Variants in OR51B5 observed in about 807,000 individuals in gnomAD.
The protein encoded by OR51B5 is olfactory receptor 51B5.
For missense variants in OR51B5, 456 were observed against 374.6 expected, an observed-to-expected ratio of 1.22 and a Z score of -1.79; for synonymous variants, 186 against 144.8, an observed-to-expected ratio of 1.28 and a Z score of -2.04.
At chr11:5,354,694 G>T in intron 1 of OR51B5, 1 of 167,570 alleles carries the variant, frequency 6.0e-6, no homozygotes. Flanking sequence ...CTGCAGCCCT[G>T]GCCAACATCA....
intron 1 of OR51B5, among the ~76,000 whole-genome samples, chr11:5,359,528 T>C (rs1408647729): frequency 6.0e-5 from 8 of 133,286 alleles, no homozygotes; most frequent in Non-Finnish European, 6.7e-5. Context: ...TCCATGCTCA[T>C]GGGTAGGAAG....
At chr11:5,440,803 T>G in intron 1 of OR51B5, 1 of 1,613,886 alleles carries the variant, frequency 6.2e-7, no homozygotes. Flanking sequence ...TTGAGTGCCT[T>G]GAGCCGCTGT....
chr11:5,386,850 A>T (rs904034665), intron 1 of OR51B5, among the ~76,000 whole-genome samples: 6 of 152,110 alleles, frequency 3.9e-5, no homozygotes, highest in African/African-American at 1.4e-4. Flanking sequence ...CAGCTCAAAA[A>T]TGTTGTCTTG....
At chr11:5,412,884 C>G (rs936794847) in intron 1 of OR51B5, among the ~76,000 whole-genome samples, 4 of 152,002 alleles carry the variant, frequency 2.6e-5, no homozygotes, top group African/African-American at 9.7e-5. Context: ...AACAAGAAAA[C>G]AGCAGTAACC....
chr11:5,386,850 A>C (rs904034665), intron 1 of OR51B5, among the ~76,000 whole-genome samples: 9 of 152,110 alleles, frequency 5.9e-5, no homozygotes, highest in Non-Finnish European at 1.2e-4. Context: ...CAGCTCAAAA[A>C]TGTTGTCTTG....
chr11:5,386,295 GGGCTAAAGAT>G (rs1849694479), intron 1 of OR51B5, among the ~76,000 whole-genome samples: 1 of 151,784 alleles, frequency 6.6e-6, no homozygotes, highest in African/African-American at 2.4e-5. Flanking sequence ...AAGAAGGACC[GGGCTAAAGAT>G]GGTGTTACAG....
At chr11:5,468,073 A>T (rs185998844) in intron 1 of OR51B5, among the ~76,000 whole-genome samples, 4 of 152,384 alleles carry the variant, frequency 2.6e-5, no homozygotes, top group Admixed American at 1.3e-4. Flanking sequence ...GAGTTTAAAG[A>T]TATTCAGAAT....
intron 1 of OR51B5, among the ~76,000 whole-genome samples, chr11:5,380,691 T>A (rs1849595307): frequency 6.6e-6 from 1 of 152,174 alleles, no homozygotes; most frequent in East Asian, 1.9e-4. Context: ...AGAAAACCTA[T>A]CTCTCTCCAT....
chr11:5,453,630 G>A (rs909671496), intron 1 of OR51B5: 1 of 1,613,778 alleles, frequency 6.2e-7, no homozygotes, highest in Non-Finnish European at 8.5e-7. Context: ...GATCCTGCAG[G>A]CTGTGCGAGT....
At chr11:5,416,979 A>G (rs1429956670) in intron 1 of OR51B5, among the ~76,000 whole-genome samples, 12 of 145,444 alleles carry the variant, frequency 8.3e-5, no homozygotes, top group African/African-American at 3.0e-4. Flanking sequence ...AGTCAATCCT[A>G]AGCCAAAAGA....
intron 1 of OR51B5, among the ~76,000 whole-genome samples, chr11:5,418,205 T>G (rs1850271024): frequency 6.6e-6 from 1 of 151,586 alleles, no homozygotes; most frequent in African/African-American, 2.4e-5. Flanking sequence ...AATTAAACAA[T>G]GAGAACACAT....
At chr11:5,374,678 T>A (rs1007644332) in intron 1 of OR51B5, among the ~76,000 whole-genome samples, 5 of 151,878 alleles carry the variant, frequency 3.3e-5, no homozygotes, top group Non-Finnish European at 1.5e-5. Flanking sequence ...GAGAATGACG[T>A]GAAGAATGGA....
rs114122677 is a variant in OR51B5, at chr11:5,427,099, G to A, written n.84+78470C>T. Among the ~76,000 whole-genome samples, 78 of 152,136 alleles carry A rather than the reference G, an allele frequency of 5.1e-4. 3 individuals are homozygous for A. The South Asian group carries it at 0.016, about 31-fold the overall frequency. On this transcript the variant is annotated intron_variant and non_coding_transcript_variant, in intron 1 of 4. Transcript: ENST00000415970. ...TTCTTTTGAGTTATTCATTTCCCCT[G>A]GAAATTATTTACTACCCCTCACAAT...
intron 1 of OR51B5, among the ~76,000 whole-genome samples, chr11:5,406,087 T>C (rs1285434085): frequency 2.6e-5 from 4 of 152,216 alleles, no homozygotes; most frequent in South Asian, 4.1e-4. Flanking sequence ...TAGGACCAGA[T>C]TGTTAAATGG....
chr11:5,376,497 C>A (rs1849530065), intron 1 of OR51B5, among the ~76,000 whole-genome samples: 1 of 152,048 alleles, frequency 6.6e-6, no homozygotes, highest in Admixed American at 6.6e-5. Flanking sequence ...ACACAAAAAA[C>A]CCTTCAAAAA....
chr11:5,400,694 G>T (rs533183870), intron 1 of OR51B5, among the ~76,000 whole-genome samples: 10 of 152,288 alleles, frequency 6.6e-5, no homozygotes, highest in South Asian at 2.1e-4. Context: ...TTGAATATCT[G>T]TGGAAGAAGA....
At chr11:5,453,514 C>G (rs779879912) in intron 1 of OR51B5, 2 of 1,573,620 alleles carry the variant, frequency 1.3e-6, no homozygotes, top group Admixed American at 3.8e-5. Flanking sequence ...GTCACTCACC[C>G]TGCATTCTTC....
chr11:5,396,201 T>G (rs371606944), intron 1 of OR51B5, among the ~76,000 whole-genome samples: 1 of 152,138 alleles, frequency 6.6e-6, no homozygotes, highest in Non-Finnish European at 1.5e-5. Flanking sequence ...TTCAACATAG[T>G]GTTGGAAGTT....
chr11:5,474,398 C>A (rs760258190), intron 1 of OR51B5, among the ~76,000 whole-genome samples: 4 of 152,108 alleles, frequency 2.6e-5, no homozygotes, highest in Non-Finnish European at 5.9e-5. Context: ...ACTTGAAGGA[C>A]AACAATAATC....
Sources: allele counts gnomAD v4.1 joint callset (sites outside exome capture counted in the v4.1 genomes callset), GRCh38; gene constraint gnomAD v4.1.1; transcripts MANE v1.5; gene names NCBI Gene and HGNC (gene_info 2026-07-23, HGNC 2026-07-21).